C2CD5: variants seen among roughly 807,000 people sequenced by gnomAD.
C2CD5 encodes C2 calcium dependent domain containing 5.
In C2CD5, 109 loss-of-function variants were observed where a neutral mutation model predicts 130.3. The observed-to-expected ratio is 0.84, with a 90% CI of 0.72 to 0.98. The LOEUF is 0.98. Among genes scored for constraint, C2CD5 ranks in the 50% least tolerant of loss-of-function variants. The probability of loss-of-function intolerance (pLI) is 0.00; values close to 1 mark genes in which losing one functional copy is unlikely to be tolerated. For synonymous variants in C2CD5, 454 were observed against 429.2 expected (o/e 1.06, Z -0.71); for missense variants, 996 against 1,261.8 (o/e 0.79, Z 3.19).
At chr12:22,454,235 G>T (rs1421808931) in intron 25 of C2CD5, among the ~76,000 whole-genome samples, 193 bp from the exon 26 acceptor site, 3 of 152,106 alleles carry the variant, frequency 2.0e-5, no homozygotes, top group Non-Finnish European at 4.4e-5. Context: ...TCCAGGCAAG[G>T]ATTTACTACC....
chr12:22,526,534 G>T (rs1015440629), intron 4 of C2CD5, among the ~76,000 whole-genome samples: 12 of 152,058 alleles, frequency 7.9e-5, no homozygotes, highest in Non-Finnish European at 1.5e-5. Flanking sequence ...TAAAACAAAA[G>T]AAGTTTTATT....
chr12:22,493,803 T>C (rs912187771), intron 10 of C2CD5, among the ~76,000 whole-genome samples: 5 of 151,930 alleles, frequency 3.3e-5, no homozygotes, highest in African/African-American at 7.2e-5. Flanking sequence ...AAGGCAAAGA[T>C]TTGTCAATGT....
intron 13 of C2CD5, 39 bp downstream of exon 13, chr12:22,484,658 C>A (rs764301562): frequency 1.1e-5 from 14 of 1,245,884 alleles, no homozygotes; most frequent in Middle Eastern, 2.0e-4. Flanking sequence ...CTATCTCATA[C>A]TTTTTCAGGG....
In C2CD5 at chr12:22,482,545, A is replaced by T. The variant is rs1009900805; in HGVS notation, c.1737+12T>A. On this transcript the variant is annotated intron_variant, in intron 14 of 26. Transcript: ENST00000446597. ...GAAATCATAAAACAAAACCAAAAAC[A>T]TCTAAACTTACCGCTAAGCCCATCA... 6.8e-6 allele frequency: 11 copies of T among 1,608,964 alleles called. No homozygotes were observed. In the Admixed American group the frequency reaches 8.4e-5, roughly 12 times the overall value.
chr12:22,495,904 G>GT (rs1946949119), intron 10 of C2CD5, among the ~76,000 whole-genome samples: 1 of 152,016 alleles, frequency 6.6e-6, no homozygotes, highest in Non-Finnish European at 1.5e-5. Context: ...TGACAGTACA[G>GT]ACTGAAAACT....
Position 22,493,243 on chromosome 12 carries a change from G to T in C2CD5, c.1242C>A (p.Tyr414Ter). ...KALGCHAVVGYSESTSICEEV... is the reference protein window; with the variant it reads ...KALGCHAVVG ...TTTACCAGATGCTAGTTGATTCACTGTAGCCCACTACAGCATGACAGCCTA... is the reference window on the plus strand; with the variant it reads ...TTTACCAGATGCTAGTTGATTCACTTTAGCCCACTACAGCATGACAGCCTA... The change falls in exon 11 of 27, where the codon TAC becomes TAA. Residue 414 changes from tyrosine (Y) to a stop codon, truncating the protein, a stop_gained. Coordinates refer to ENST00000446597, the MANE Select transcript of C2CD5 (RefSeq NM_001286176.2). LOFTEE classifies it high-confidence loss of function. The T allele has an allele frequency of 6.2e-7, 1 of 1,601,990 alleles. No homozygotes were observed. Among genetic ancestry groups the T allele is most frequent in the Non-Finnish European group, 8.5e-7 (1 of 1,170,360 alleles).
chr12:22,541,118 T>C (rs1178173106), intron 2 of C2CD5, among the ~76,000 whole-genome samples: 1 of 152,054 alleles, frequency 6.6e-6, no homozygotes, highest in Non-Finnish European at 1.5e-5. Flanking sequence ...ACATCTCCAA[T>C]TAAAGACCCT....
intron 2 of C2CD5, among the ~76,000 whole-genome samples, chr12:22,537,382 A>T (rs1411468844): frequency 2.0e-5 from 3 of 152,192 alleles, no homozygotes; most frequent in African/African-American, 7.2e-5. Context: ...ACAGAGCAAG[A>T]CCCAGTCTTT....
At chr12:22,527,506 C>T (rs542766787) in intron 4 of C2CD5, among the ~76,000 whole-genome samples, 36 of 151,658 alleles carry the variant, frequency 2.4e-4, no homozygotes, top group African/African-American at 7.7e-4. Context: ...TTAGTAGAGA[C>T]GGGGTTTCTC....
chr12:22,466,312 A>G (rs1397184204), intron 22 of C2CD5, among the ~76,000 whole-genome samples: 2 of 152,058 alleles, frequency 1.3e-5, no homozygotes, highest in African/African-American at 4.8e-5. Flanking sequence ...AGTAAAAAAA[A>G]AAAAGCTATC....
chr12:22,481,798 A>ATTTT (rs762273958), intron 14 of C2CD5, among the ~76,000 whole-genome samples: 14 of 93,136 alleles, frequency 1.5e-4, no homozygotes, highest in African/African-American at 2.6e-4. Flanking sequence ...CACCTGGTGT[A>ATTTT]TTTTTTTTTT....
intron 9 of C2CD5, among the ~76,000 whole-genome samples, chr12:22,509,002 G>C (rs996539260): frequency 6.6e-6 from 1 of 150,812 alleles, no homozygotes; most frequent in African/African-American, 2.4e-5. Context: ...TCAGCCTCCC[G>C]AGTAGCTGGG....
At chr12:22,469,482 T>C (rs552250605) in intron 22 of C2CD5, among the ~76,000 whole-genome samples, 2 of 152,186 alleles carry the variant, frequency 1.3e-5, no homozygotes, top group East Asian at 1.9e-4. Flanking sequence ...GGTATGAGAA[T>C]AGAATATCAT....
intron 7 of C2CD5, 92 bp from the exon 8 acceptor site, chr12:22,518,229 G>T: frequency 8.6e-7 from 1 of 1,165,810 alleles, no homozygotes; most frequent in Non-Finnish European, 1.3e-6. Flanking sequence ...AAGAATTGGG[G>T]CAGGGCCAGC....
chr12:22,490,301 C>A (rs1946170741), intron 11 of C2CD5, 83 bp from the exon 12 acceptor site: 1 of 911,766 alleles, frequency 1.1e-6, no homozygotes, highest in African/African-American at 1.6e-5. Flanking sequence ...ATAATTATAA[C>A]AGTGACAATT....
intron 9 of C2CD5, among the ~76,000 whole-genome samples, chr12:22,511,948 G>T (rs1258148277): frequency 6.6e-6 from 1 of 152,118 alleles, no homozygotes; most frequent in Non-Finnish European, 1.5e-5. Context: ...AAAAAAAATG[G>T]TAAGTGGACA....
At chr12:22,536,658 G>C (rs781149229) in intron 2 of C2CD5, among the ~76,000 whole-genome samples, 5 of 152,166 alleles carry the variant, frequency 3.3e-5, no homozygotes, top group Non-Finnish European at 7.4e-5. Context: ...AGATATACAA[G>C]TATTTGTTAA....
rs1320719101 is a variant in C2CD5 at position 22,459,477 on chromosome 12, A to C, written c.2584+15T>G. 3 of 1,512,984 alleles carry C rather than the reference A, an allele frequency of 2.0e-6. No homozygotes were observed. In the East Asian group the frequency reaches 7.4e-5, roughly 37 times the overall value. 93.7% of individuals were successfully genotyped at this position (1,512,984 alleles called of 1,614,324 possible). On this transcript the variant is annotated intron_variant, in intron 23 of 26. Coordinates refer to ENST00000446597, the MANE Select transcript of C2CD5 (RefSeq NM_001286176.2). ...TACACCTTTGGTGACTATTTGCTTA[A>C]TTAGACAAACTCACCTCTCTGTGCA...
chr12:22,484,593 G>C (rs1945212480), intron 13 of C2CD5, 104 bp downstream of exon 13: 1 of 530,684 alleles, frequency 1.9e-6, no homozygotes, highest in African/African-American at 2.0e-5. Flanking sequence ...GTTTGTGCAG[G>C]ATCAAACAGG....
Sources: gnomAD v4.1 joint callset for allele counts (sites outside exome capture counted in the v4.1 genomes callset) on GRCh38, gnomAD v4.1.1 for gene constraint, MANE v1.5 for transcripts, NCBI Gene and HGNC (gene_info 2026-07-23, HGNC 2026-07-21) for gene names.